Variants in SPPL3 observed in about 807,000 individuals in gnomAD.
The protein encoded by SPPL3 is signal peptide peptidase-like 3.
In SPPL3, 5 loss-of-function variants were observed where a neutral mutation model predicts 42.4. That is an observed-to-expected ratio of 0.12 (90% confidence interval 0.06 to 0.25). SPPL3 has a LOEUF of 0.25. Ranked by LOEUF, SPPL3 falls within the 10% of genes least tolerant of loss-of-function variation. The probability of loss-of-function intolerance (pLI) is 1.00; values close to 1 mark genes in which losing one functional copy is unlikely to be tolerated. For synonymous variants in SPPL3, 195 were observed against 181.8 expected, an observed-to-expected ratio of 1.07 and a Z score of -0.58; for missense variants, 235 against 489.0, an observed-to-expected ratio of 0.48 and a Z score of 4.90.
At chr12:120,903,362 C>CCCGCAGCTGCGGCGGCT (rs71076683) in intron 1 of SPPL3, 138,986 of 154,660 alleles carry the variant, frequency 0.9, 63,306 homozygotes, top group East Asian at 1. Context: ...AAGCGGCGGC[C>CCCGCAGCTGCGGCGGCT]GCTCCACTCT....
chr12:120,872,644 G>A, intron 1 of SPPL3, among the ~76,000 whole-genome samples: 1 of 152,130 alleles, frequency 6.6e-6, no homozygotes, highest in East Asian at 1.9e-4. Flanking sequence ...ATCTCCAAGT[G>A]CTTGAGAGGA....
At position 120,875,293 on chromosome 12, in the gene SPPL3, A is replaced by AAATTTT. The variant is rs1311272436; in HGVS notation, c.23+28551_23+28552insAAAATT. Among the ~76,000 whole-genome samples the AAATTTT allele has an allele frequency of 2.0e-5, 3 of 152,372 alleles. No homozygotes were observed. The East Asian group carries it at 5.8e-4, about 29-fold the overall frequency. On this transcript the variant is annotated intron_variant, in intron 1 of 10. Coordinates refer to ENST00000353487, the MANE Select transcript of SPPL3 (RefSeq NM_139015.5). ...AAAATAGAAAAAATTTAAAATTTTT[A>AAATTTT]AAATTATGCTTAAGTTACAGGTGAA...
At position 120,857,572 on chromosome 12, in the gene SPPL3, C is replaced by A. The variant is rs946971364; in HGVS notation, c.23+46273G>T. ...CATAATAGCAAAGACATGGAATCAA[C>A]CCGAATGCCCATCAATGCTAGACTG... On this transcript the variant is annotated intron_variant, in intron 1 of 10. Transcript: ENST00000353487. Among the ~76,000 whole-genome samples the A allele has an allele frequency of 1.4e-4, 22 of 152,140 alleles. No individual in the cohort carries two copies. In the South Asian group the frequency reaches 1.4e-3, roughly 10 times the overall value.
chr12:120,790,562 C>T (rs1436247883), intron 3 of SPPL3, among the ~76,000 whole-genome samples: 9 of 152,170 alleles, frequency 5.9e-5, no homozygotes, highest in Non-Finnish European at 8.8e-5. Flanking sequence ...CCTGAAATGA[C>T]GACTTCTCCA....
At chr12:120,839,567 ATTCTTT>A (rs1259557137) in intron 1 of SPPL3, among the ~76,000 whole-genome samples, 1 of 152,192 alleles carries the variant, frequency 6.6e-6, no homozygotes, top group Non-Finnish European at 1.5e-5. Context: ...CTTAAATTTA[ATTCTTT>A]TTCTTTAAAT....
chr12:120,873,809 T>G (rs535743100), intron 1 of SPPL3, among the ~76,000 whole-genome samples: 1 of 151,660 alleles, frequency 6.6e-6, no homozygotes, highest in Non-Finnish European at 1.5e-5. Flanking sequence ...GAGGCGGAGG[T>G]TGCAGTGAGC....
Position 120,791,457 on chromosome 12 carries a change from A to C in SPPL3, c.190+12T>G. On this transcript the variant is annotated intron_variant, in intron 3 of 10. Coordinates refer to ENST00000353487, the MANE Select transcript of SPPL3 (RefSeq NM_139015.5). Reference sequence around the variant, plus strand: ...TATATGTACAGAAGTTAATTGACATAAAATATCTTACTATTATTGGTGCTG... The same window carrying C: ...TATATGTACAGAAGTTAATTGACATCAAATATCTTACTATTATTGGTGCTG... The C allele has an allele frequency of 6.4e-7, 1 of 1,568,442 alleles. No individual in the cohort carries two copies. Among genetic ancestry groups the C allele is most frequent in the Non-Finnish European group, 8.7e-7 (1 of 1,155,420 alleles).
chr12:120,791,320 CG>C (rs1322948239), intron 3 of SPPL3, 148 bp downstream of exon 3: 10 of 542,124 alleles, frequency 1.8e-5, no homozygotes, highest in Non-Finnish European at 3.2e-5. Flanking sequence ...AATTACATAC[CG>C]TAAAATTCAC....
At chr12:120,768,222 C>T in intron 8 of SPPL3, 103 bp downstream of exon 8, 1 of 1,395,476 alleles carries the variant, frequency 7.2e-7, no homozygotes, top group Non-Finnish European at 9.6e-7. Flanking sequence ...AGATAATGGC[C>T]CCAGGTTGGG....
chr12:120,870,561 C>G (rs1872890578), intron 1 of SPPL3, among the ~76,000 whole-genome samples: 2 of 152,070 alleles, frequency 1.3e-5, no homozygotes, highest in Non-Finnish European at 2.9e-5. Flanking sequence ...TCACAATAGC[C>G]AAAGGGTGGA....
chr12:120,800,863 C>T (rs925868739), intron 2 of SPPL3, among the ~76,000 whole-genome samples: 13 of 152,296 alleles, frequency 8.5e-5, no homozygotes, highest in African/African-American at 2.9e-4. Context: ...CTTGATTGAG[C>T]TCATACTGTC....
At chr12:120,765,291 T>A (rs940022717) in intron 10 of SPPL3, among the ~76,000 whole-genome samples, 22 of 71,286 alleles carry the variant, frequency 3.1e-4, no homozygotes, top group South Asian at 1.8e-3. Flanking sequence ...TTTCTGATAT[T>A]TTTTTTTTTT....
rs144283553 is a variant in SPPL3 at position 120,862,645 on chromosome 12, A to G, written c.23+41200T>C. 1.4e-3 allele frequency among the ~76,000 whole-genome samples: 212 copies of G among 152,322 alleles called. 2 individuals are homozygous for G. The East Asian group carries it at 0.024, about 17-fold the overall frequency. On this transcript the variant is annotated intron_variant, in intron 1 of 10. Transcript: ENST00000353487. ...GCTGAGAGGAGTATGCAAAGTTTCC[A>G]TGCCTTCGGTGGGTGCACTGTCCTC...
chr12:120,783,698 G>A lies in SPPL3; in HGVS notation c.365C>T (p.Thr122Ile). The change falls in exon 5 of 11, where the codon ACA (threonine) becomes ATA (isoleucine). Residue 122 changes from threonine to isoleucine, a missense_variant. Coordinates refer to ENST00000353487, the MANE Select transcript of SPPL3 (RefSeq NM_139015.5). ...CTTGTTCTGAGGTGAGCAGGGTCTTGTTAAATACTGGCACATCGGGAGGAG... is the reference window on the plus strand; with the variant it reads ...CTTGTTCTGAGGTGAGCAGGGTCTTATTAAATACTGGCACATCGGGAGGAG... ...FLLLPMCQYL[T>I]RPCSPQNKIS... The A allele has an allele frequency of 6.2e-7, 1 of 1,613,682 alleles. No individual in the cohort carries two copies. Among genetic ancestry groups the A allele is most frequent in the Non-Finnish European group, 8.5e-7 (1 of 1,179,746 alleles).
At chr12:120,835,778 C>T (rs1871599659) in intron 1 of SPPL3, 1 of 152,192 alleles carries the variant, frequency 6.6e-6, no homozygotes, top group South Asian at 2.1e-4. Context: ...CAAGAAACAG[C>T]TAGCCTGGGA....
intron 1 of SPPL3, among the ~76,000 whole-genome samples, chr12:120,813,618 C>T (rs376629479): frequency 3.3e-5 from 5 of 151,696 alleles, no homozygotes; most frequent in Admixed American, 6.6e-5. Context: ...CCACTGCACC[C>T]GGCGTGATCC....
chr12:120,812,266 C>G (rs1478475886), intron 1 of SPPL3, among the ~76,000 whole-genome samples: 1 of 151,936 alleles, frequency 6.6e-6, no homozygotes, highest in African/African-American at 2.4e-5. Context: ...TCTCGAGTAG[C>G]TGGGATTACA....
intron 1 of SPPL3, among the ~76,000 whole-genome samples, chr12:120,840,959 C>CATTA (rs1437595946): frequency 2.8e-5 from 4 of 143,118 alleles, no homozygotes; most frequent in African/African-American, 7.4e-5. Flanking sequence ...TTCATTCATT[C>CATTA]ATTAATAAAT....
chr12:120,857,464 C>T (rs1214671230), intron 1 of SPPL3, among the ~76,000 whole-genome samples: 2 of 152,168 alleles, frequency 1.3e-5, no homozygotes, highest in Non-Finnish European at 1.5e-5. Flanking sequence ...CCCAGCAATC[C>T]CATTACTGGG....
Sources: gnomAD v4.1 joint callset for allele counts (sites outside exome capture counted in the v4.1 genomes callset) on GRCh38, gnomAD v4.1.1 for gene constraint, MANE v1.5 for transcripts, NCBI Gene and HGNC (gene_info 2026-07-23, HGNC 2026-07-21) for gene names.